The following ADAM23 variants were observed in gnomAD, a reference collection of about 807,000 sequenced individuals.
The protein encoded by ADAM23 is disintegrin and metalloproteinase domain-containing protein 23.
Under a neutral mutation model 120.1 loss-of-function variants are expected in ADAM23, and 33 were observed. That is an observed-to-expected ratio of 0.27 (90% CI 0.21 to 0.37). The LOEUF (loss-of-function observed/expected upper bound fraction) is 0.37, where lower values mean the gene tolerates loss of function less well. Among genes scored for constraint, ADAM23 ranks in the 10% least tolerant of loss-of-function variants. ADAM23 has a pLI of 1.00. For synonymous variants in ADAM23, 367 were observed against 375.2 expected (o/e 0.98, Z 0.25); for missense variants, 862 against 1,058.2 (o/e 0.81, Z 2.57).
rs34075208 is a variant in ADAM23 at position 206,560,188 on chromosome 2, G to T, written c.1169+70G>T. On this transcript the variant is annotated intron_variant, in intron 11 of 25. Transcript: ENST00000264377. ...TTATCCTTATCCCTTTTTTGGTTCA[G>T]TTAAGTTAAATATCAGAAAATAGTG... The T allele has an allele frequency of 7.3e-3, 10,870 of 1,483,760 alleles. 63 individuals carry two copies. The highest frequency in any genetic ancestry group is 8.7e-3 in the Non-Finnish European group (9,626 of 1,105,688). The allele number at this position is 1,483,760 out of a possible 1,614,324, so 91.9% of individuals were successfully genotyped here. A position where few individuals can be genotyped will look rare whatever the true frequency, so the allele number is the denominator to read the frequency against.
intron 24 of ADAM23, among the ~76,000 whole-genome samples, chr2:206,608,389 C>T (rs1698768666): frequency 6.6e-6 from 1 of 152,156 alleles, no homozygotes; most frequent in South Asian, 2.1e-4. Context: ...CGCTATCACT[C>T]ACAAACTTCT....
chr2:206,616,519 TAAG>T (rs1181695519), intron 25 of ADAM23, among the ~76,000 whole-genome samples: 2 of 152,120 alleles, frequency 1.3e-5, no homozygotes, highest in Non-Finnish European at 2.9e-5. Context: ...TTGGGAAAAA[TAAG>T]AACTTTGCAG....
chr2:206,514,193 T>G (rs1187539950), intron 3 of ADAM23, among the ~76,000 whole-genome samples: 1 of 152,198 alleles, frequency 6.6e-6, no homozygotes, highest in African/African-American at 2.4e-5. Context: ...AAGTGATAGT[T>G]GCCATAGATC....
chr2:206,578,037 G>A (rs1208183082), intron 18 of ADAM23, among the ~76,000 whole-genome samples: 1 of 152,050 alleles, frequency 6.6e-6, no homozygotes, highest in African/African-American at 2.4e-5. Context: ...TTTTTCATGT[G>A]TTTTTTGGCT....
chr2:206,589,427 A>G lies in ADAM23; in HGVS notation c.1871A>G (p.Lys624Arg). Residue 624 changes from lysine (K) to arginine (R), a missense_variant, in exon 21 of 26, where the codon AAG becomes AGG. Lys to Arg is a conservative substitution (Grantham distance 26). Around this residue, in one of 4 missense-constraint regions of ADAM23, gnomAD observed 617 missense variants for 813.5 expected, o/e 0.76. Transcript: ENST00000264377. The stretch of plus-strand genomic sequence containing the variant: ...CCAAAAGAGGCTGCAGGGTCTGACA[A>G]GTTCTGCTATGAAAAGCTGAATACA... ...IWGTKAAGSD[K>R]FCYEKLNTEG... 2 of 1,613,692 alleles carry G rather than the reference A, an allele frequency of 1.2e-6. No homozygotes were observed. The highest frequency in any genetic ancestry group is 1.7e-6 in the Non-Finnish European group (2 of 1,179,830).
At chr2:206,511,851 A>G (rs1423701594) in intron 3 of ADAM23, among the ~76,000 whole-genome samples, 2 of 152,182 alleles carry the variant, frequency 1.3e-5, no homozygotes, top group Non-Finnish European at 2.9e-5. Flanking sequence ...TGTGCAAGGA[A>G]TCCAAATAAG....
chr2:206,535,998 TA>T, intron 4 of ADAM23, among the ~76,000 whole-genome samples: 2 of 152,210 alleles, frequency 1.3e-5, no homozygotes, highest in African/African-American at 4.8e-5. Context: ...ACAACAACAA[TA>T]AAAAACCCAG....
Position 206,565,039 on chromosome 2 carries a change from C to G in ADAM23, c.1365C>G (p.Ser455=), listed in dbSNP as rs776928608. 2 of 1,613,980 alleles carry G rather than the reference C, an allele frequency of 1.2e-6. No individual in the cohort carries two copies. The highest frequency in any genetic ancestry group is 1.1e-5 in the South Asian group (1 of 91,074). Residue 455 remains serine (S), a synonymous_variant, in exon 14 of 26, where the codon TCC becomes TCG. Coordinates refer to ENST00000264377, the MANE Select transcript of ADAM23 (RefSeq NM_003812.4). ...SRKPKCDCTE[S]WGGCIMEETG... ...GACCAGAATGTGACTGCACAGAATC[C>G]TGGGGTGGCTGCATCATGGAGGAAA...
At chr2:206,516,257 A>G (rs2105786341) in intron 3 of ADAM23, among the ~76,000 whole-genome samples, 1 of 151,802 alleles carries the variant, frequency 6.6e-6, no homozygotes, top group South Asian at 2.1e-4. Flanking sequence ...AGAAAGAAAA[A>G]GCCAAGTAGT....
chr2:206,560,045 G>T lies in ADAM23; in HGVS notation c.1096G>T (p.Val366Leu). 1 of 1,614,134 alleles carries T rather than the reference G, an allele frequency of 6.2e-7. No homozygotes were observed. The highest frequency in any genetic ancestry group is 8.5e-7 in the Non-Finnish European group (1 of 1,179,996). Residue 366 changes from valine (V) to leucine (L), a missense_variant, in exon 11 of 26, where the codon GTG (valine) becomes TTG (leucine). Around this residue, in one of 4 missense-constraint regions of ADAM23, gnomAD observed 617 missense variants for 813.5 expected, o/e 0.76. Coordinates refer to ENST00000264377, the MANE Select transcript of ADAM23 (RefSeq NM_003812.4). Reference sequence around the variant, plus strand: ...TCAGATTGACATCACCACCAACCCTGTGCAGATGCTCCATGAGTTCTCAAA... The same window carrying T: ...TCAGATTGACATCACCACCAACCCTTTGCAGATGCTCCATGAGTTCTCAAA... ...KDQIDITTNPVQMLHEFSKYR... is the reference protein window; with the variant it reads ...KDQIDITTNPLQMLHEFSKYR...
In ADAM23 at chr2:206,543,412, C is replaced by A. The variant is rs544096354; in HGVS notation, c.720+96C>A. 5.6e-5 allele frequency: 59 copies of A among 1,050,486 alleles called. No homozygotes were observed. The African/African-American group carries it at 8.3e-4, about 15-fold the overall frequency. The allele number at this position is 1,050,486 out of a possible 1,614,324, so 65.1% of individuals were successfully genotyped here. ...GAAAAGAGTGTAGATTTCAAAGTGC[C>A]TTTGTACATGTTAACTTATTTCAAA... On this transcript the variant is annotated intron_variant, in intron 6 of 25. Coordinates refer to ENST00000264377, the MANE Select transcript of ADAM23 (RefSeq NM_003812.4).
chr2:206,525,375 C>T (rs1696922694), intron 3 of ADAM23, among the ~76,000 whole-genome samples: 1 of 152,070 alleles, frequency 6.6e-6, no homozygotes, highest in Non-Finnish European at 1.5e-5. Flanking sequence ...GTAGTTCAAC[C>T]ACTTTTTACA....
chr2:206,594,067 A>G (rs756794679), intron 22 of ADAM23, among the ~76,000 whole-genome samples: 50 of 152,076 alleles, frequency 3.3e-4, no homozygotes, highest in Non-Finnish European at 6.6e-4. Flanking sequence ...TATGCTATAC[A>G]GAAGTGTAGC....
intron 23 of ADAM23, 148 bp downstream of exon 23, chr2:206,595,053 C>A: frequency 1.0e-6 from 1 of 954,528 alleles, no homozygotes; most frequent in South Asian, 1.7e-5. Context: ...TGGTGGTGGG[C>A]ACCTGTAGTC....
chr2:206,460,105 C>T (rs1574478876), intron 2 of ADAM23, among the ~76,000 whole-genome samples: 1 of 146,454 alleles, frequency 6.8e-6, no homozygotes, highest in South Asian at 2.2e-4. Context: ...CTCAGAATGA[C>T]TTTTTTTTTT....
intron 3 of ADAM23, among the ~76,000 whole-genome samples, chr2:206,508,692 AAAGG>A (rs915370373): frequency 6.6e-6 from 1 of 151,934 alleles, no homozygotes; most frequent in Non-Finnish European, 1.5e-5. Flanking sequence ...AGAAGAAAGA[AAAGG>A]AAGGGGCTTA....
chr2:206,500,256 A>G (rs1208649975), intron 3 of ADAM23, among the ~76,000 whole-genome samples: 3 of 152,136 alleles, frequency 2.0e-5, no homozygotes, highest in African/African-American at 7.2e-5. Flanking sequence ...GAAGCAAAAG[A>G]AAACTAGTGT....
At chr2:206,452,111 C>T (rs900084801) in intron 2 of ADAM23, among the ~76,000 whole-genome samples, 1 of 152,218 alleles carries the variant, frequency 6.6e-6, no homozygotes, top group African/African-American at 2.4e-5. Context: ...GAGTAACCCA[C>T]CTACAGGTAA....
intron 25 of ADAM23, among the ~76,000 whole-genome samples, chr2:206,617,339 G>C (rs963412213): frequency 6.6e-6 from 1 of 152,176 alleles, no homozygotes; most frequent in African/African-American, 2.4e-5. Flanking sequence ...ACAACCCAAA[G>C]TTTTGTTTGG....
Sources: gnomAD v4.1 joint callset for allele counts (sites outside exome capture counted in the v4.1 genomes callset) on GRCh38, gnomAD v4.1.1 for gene constraint, gnomAD v4.1.1 regional missense constraint, MANE v1.5 for transcripts, NCBI Gene and HGNC (gene_info 2026-07-23, HGNC 2026-07-21) for gene names.